The following MAP2 variants were observed in gnomAD, a reference collection of about 807,000 sequenced individuals.
The protein encoded by MAP2 is microtubule associated protein 2.
In MAP2, 14 loss-of-function variants were observed where a neutral mutation model predicts 137.6. The ratio of observed to expected loss-of-function variants is 0.10; its 90% CI spans 0.07 to 0.16. The LOEUF is 0.16. Ranked by LOEUF, MAP2 falls within the 10% of genes least tolerant of loss-of-function variation. The pLI, the probability that MAP2 is intolerant of heterozygous loss-of-function variation, is 1.00. For missense variants in MAP2, 2,088 were observed against 2,191.5 expected, an observed-to-expected ratio of 0.95 and a Z score of 0.94; for synonymous variants, 786 against 782.3, an observed-to-expected ratio of 1.00 and a Z score of -0.08.
intron 1 of MAP2, among the ~76,000 whole-genome samples, chr2:209,435,170 A>G (rs1188118238): frequency 1.3e-5 from 2 of 151,378 alleles, no homozygotes; most frequent in Admixed American, 6.6e-5. Flanking sequence ...GCTATAGAAT[A>G]TCAAATATAC....
At chr2:209,711,183 T>C (rs2065332493) in intron 13 of MAP2, among the ~76,000 whole-genome samples, 1 of 152,182 alleles carries the variant, frequency 6.6e-6, no homozygotes, top group African/African-American at 2.4e-5. Flanking sequence ...TCCAAGAAAG[T>C]CTTTCCTTTT....
At chr2:209,486,818 T>C (rs1429960985) in intron 1 of MAP2, among the ~76,000 whole-genome samples, 2 of 152,212 alleles carry the variant, frequency 1.3e-5, no homozygotes, top group Non-Finnish European at 2.9e-5. Flanking sequence ...AGGGGAAAAT[T>C]AAAGCATTAA....
At chr2:209,726,741 G>A (rs1055250804) in intron 14 of MAP2, among the ~76,000 whole-genome samples, 9 of 152,156 alleles carry the variant, frequency 5.9e-5, no homozygotes, top group African/African-American at 1.9e-4. Context: ...TCCAGCCTAG[G>A]CAACAGAGCA....
At chr2:209,445,509 G>C (rs1037654756) in intron 1 of MAP2, among the ~76,000 whole-genome samples, 2 of 151,626 alleles carry the variant, frequency 1.3e-5, no homozygotes, top group African/African-American at 4.8e-5. Flanking sequence ...AGCCAGAAAT[G>C]TGGGTGGAGA....
At chr2:209,595,952 TC>T (rs1182996739) in intron 3 of MAP2, among the ~76,000 whole-genome samples, 1 of 152,000 alleles carries the variant, frequency 6.6e-6, no homozygotes, top group Non-Finnish European at 1.5e-5. Flanking sequence ...TCAGGGCCTG[TC>T]ATGGGGTAGG....
chr2:209,730,546 T>TA lies in MAP2; in HGVS notation c.*155dup, dbSNP rs1465840455. 1 of 644,660 alleles carries TA rather than the reference T, an allele frequency of 1.6e-6. No individual in the cohort carries two copies. Among genetic ancestry groups the TA allele is most frequent in the Admixed American group, 2.9e-5 (1 of 34,572 alleles). 39.9% of individuals were successfully genotyped at this position (644,660 alleles called of 1,614,324 possible). A position where few individuals can be genotyped will look rare whatever the true frequency, so the allele number is the denominator to read the frequency against. ...GTAGTAATTGTTACAATTTTCTATT[T>TA]AAAAAATGAATAGTACATGCAGAAA... On this transcript the variant is annotated 3_prime_UTR_variant, in exon 16 of 16. Transcript: ENST00000682079.
In MAP2 at chr2:209,434,926, A is replaced by G. The variant is rs1340894365; in HGVS notation, c.-222+10650A>G. 4.2e-5 allele frequency among the ~76,000 whole-genome samples: 6 copies of G among 144,062 alleles called. No homozygotes were observed. In the Admixed American group the frequency reaches 4.2e-4, roughly 10 times the overall value. The allele number at this position is 144,062 out of a possible 152,430, so 94.5% of individuals were successfully genotyped here. A position where few individuals can be genotyped will look rare whatever the true frequency, so the allele number is the denominator to read the frequency against. The stretch of plus-strand genomic sequence containing the variant: ...TATATATGTTATATATATGTTATAT[A>G]TATATGTTATATATATGTGTTTTAT... On this transcript the variant is annotated intron_variant, in intron 1 of 15. Coordinates refer to ENST00000682079, the MANE Select transcript of MAP2 (RefSeq NM_001375505.1).
intron 2 of MAP2, among the ~76,000 whole-genome samples, chr2:209,539,300 G>A (rs2066493458): frequency 6.6e-6 from 1 of 152,158 alleles, no homozygotes; most frequent in South Asian, 2.1e-4. Context: ...TAATTGTTGT[G>A]AATGCATTCT....
In MAP2 at chr2:209,702,311, C is replaced by T. The variant is rs528765763; in HGVS notation, c.4584+1973C>T. On this transcript the variant is annotated intron_variant, in intron 11 of 15. Coordinates refer to ENST00000682079, the MANE Select transcript of MAP2 (RefSeq NM_001375505.1). ...TTGTCTTTCTGAAGCAAAATTAGCCCTTCATTCTTTCTTTTTTTCTCATTT... is the reference window on the plus strand; with the variant it reads ...TTGTCTTTCTGAAGCAAAATTAGCCTTTCATTCTTTCTTTTTTTCTCATTT... 5.3e-5 allele frequency among the ~76,000 whole-genome samples: 8 copies of T among 151,906 alleles called. No homozygotes were observed. The East Asian group carries it at 7.7e-4, about 15-fold the overall frequency.
At chr2:209,714,678 A>G (rs1316534230) in intron 13 of MAP2, among the ~76,000 whole-genome samples, 1 of 152,348 alleles carries the variant, frequency 6.6e-6, no homozygotes, top group East Asian at 1.9e-4. Flanking sequence ...ATATGGATCT[A>G]TTAAACTAAA....
intron 2 of MAP2, among the ~76,000 whole-genome samples, chr2:209,547,897 A>G (rs1362152145): frequency 6.6e-6 from 1 of 152,224 alleles, no homozygotes; most frequent in African/African-American, 2.4e-5. Context: ...TTTTGATGCT[A>G]CAATACAGTC....
chr2:209,478,701 G>C (rs915381108), intron 1 of MAP2, among the ~76,000 whole-genome samples: 2 of 152,104 alleles, frequency 1.3e-5, no homozygotes, highest in Non-Finnish European at 2.9e-5. Flanking sequence ...AACTTCTAGT[G>C]ACTGCTATCT....
rs78151692 is a variant in MAP2, at chr2:209,469,569, A to G, written c.-221-38023A>G. Among the ~76,000 whole-genome samples the G allele has an allele frequency of 8.9e-3, 1,354 of 152,186 alleles. 23 individuals carry two copies. Among genetic ancestry groups the G allele is most frequent in the African/African-American group, 0.031 (1,297 of 41,516 alleles). On this transcript the variant is annotated intron_variant, in intron 1 of 15. Coordinates refer to ENST00000682079, the MANE Select transcript of MAP2 (RefSeq NM_001375505.1). ...CTCCATCTTGTTAGGAAGAGAAGCAATGATATGCTCATTCCATCCTTTATC... is the reference window on the plus strand; with the variant it reads ...CTCCATCTTGTTAGGAAGAGAAGCAGTGATATGCTCATTCCATCCTTTATC...
At chr2:209,471,159 C>T (rs1705616372) in intron 1 of MAP2, among the ~76,000 whole-genome samples, 1 of 152,152 alleles carries the variant, frequency 6.6e-6, no homozygotes, top group African/African-American at 2.4e-5. Flanking sequence ...CACCATGTTT[C>T]TCTTTTCTAA....
rs757367849 is a variant in MAP2, at chr2:209,564,556, T to TAAAA, written c.-171-15456_-171-15453dup. ...TGTGTTTTAGCACAGCTCTGTGGAG[T>TAAAA]AAAAAAAAAAAAAAAAAAAAAAAAA... On this transcript the variant is annotated intron_variant, in intron 2 of 15. Coordinates refer to ENST00000682079, the MANE Select transcript of MAP2 (RefSeq NM_001375505.1). Among the ~76,000 whole-genome samples, 3 of 55,986 alleles carry TAAAA rather than the reference T, an allele frequency of 5.4e-5. 1 individual carries two copies. The highest frequency in any genetic ancestry group is 1.2e-4 in the African/African-American group (2 of 16,090). The allele number at this position is 55,986 out of a possible 152,430, so 36.7% of individuals were successfully genotyped here.
intron 1 of MAP2, among the ~76,000 whole-genome samples, chr2:209,488,929 C>T (rs909012330): frequency 2.4e-4 from 37 of 152,190 alleles, no homozygotes; most frequent in Non-Finnish European, 1.2e-4. Flanking sequence ...GCATAGTGCT[C>T]GAGCTCTGCC....
At chr2:209,581,539 TTC>T (rs1285106822) in intron 3 of MAP2, among the ~76,000 whole-genome samples, 2 of 152,254 alleles carry the variant, frequency 1.3e-5, no homozygotes, top group South Asian at 2.1e-4. Flanking sequence ...CTTGAGACCA[TTC>T]TCTCTTTTTA....
chr2:209,733,861 T>G lies in MAP2; in HGVS notation c.*3464T>G, dbSNP rs1256547106. ...AAATAAAATGTCAATCATAAAAATC[T>G]ACTTCAACTTTAGCAAAAAGAAAAA... On this transcript the variant is annotated 3_prime_UTR_variant, in exon 16 of 16. Transcript: ENST00000682079. 1 of 152,016 alleles carries G rather than the reference T, an allele frequency of 6.6e-6. No homozygotes were observed. Among genetic ancestry groups the G allele is most frequent in the Non-Finnish European group, 1.5e-5 (1 of 68,002 alleles). 9.4% of individuals were successfully genotyped at this position (152,016 alleles called of 1,614,324 possible). A position where few individuals can be genotyped will look rare whatever the true frequency, so the allele number is the denominator to read the frequency against.
At chr2:209,614,343 C>T (rs1408216395) in intron 3 of MAP2, among the ~76,000 whole-genome samples, 26 of 152,142 alleles carry the variant, frequency 1.7e-4, no homozygotes, top group Non-Finnish European at 4.4e-5. Flanking sequence ...ATAGATGATT[C>T]ATCTATTCTT....
Sources: allele counts gnomAD v4.1 joint callset (sites outside exome capture counted in the v4.1 genomes callset), GRCh38; gene constraint gnomAD v4.1.1; transcripts MANE v1.5; gene names NCBI Gene and HGNC (gene_info 2026-07-23, HGNC 2026-07-21).